UGT1A4: variants seen among roughly 807,000 people sequenced by gnomAD.
UGT1A4 encodes the protein UDP glucuronosyltransferase family 1 member A4.
A neutral mutation model predicts 41.1 loss-of-function variants in UGT1A4; 32 were observed. The observed-to-expected ratio is 0.78, with a 90% CI of 0.59 to 1.05. UGT1A4 has a LOEUF of 1.05. Among genes scored for constraint, UGT1A4 ranks in the 50% least tolerant of loss-of-function variants. The pLI is 0.00. For missense variants in UGT1A4, 748 were observed against 677.4 expected (o/e 1.10, Z -1.16); for synonymous variants, 283 against 265.1 (o/e 1.07, Z -0.66).
rs569949528 is a variant in UGT1A4, at chr2:233,742,141, C to T, written c.867+22454C>T. ...GGTCGTGGAGACCCTAACCCAGCAG[C>T]GCTAGACGAATTAAAGACACACACA... On this transcript the variant is annotated intron_variant, in intron 1 of 4. Transcript: ENST00000373409. 6.5e-4 allele frequency among the ~76,000 whole-genome samples: 99 copies of T among 151,946 alleles called. No homozygotes were observed. The South Asian group carries it at 0.02, about 31-fold the overall frequency.
At position 233,719,082 on chromosome 2, in the gene UGT1A4, G is replaced by C; in HGVS notation, c.262G>C (p.Glu88Gln). Reference sequence around the variant, plus strand: ...CTATGCTGTTCCATGGACCCAGAAGGAATTTGATCGCGTTACGCTGGGCTA... The same window carrying C: ...CTATGCTGTTCCATGGACCCAGAAGCAATTTGATCGCGTTACGCTGGGCTA... ...TAYAVPWTQK[E>Q]FDRVTLGYTQ... is the part of the protein sequence containing the mutation. Residue 88 changes from glutamate to glutamine, a missense_variant, in exon 1 of 5, where the codon GAA (glutamate) becomes CAA (glutamine). Coordinates refer to ENST00000373409, the MANE Select transcript of UGT1A4 (RefSeq NM_007120.3). 1 of 1,614,280 alleles carries C rather than the reference G, an allele frequency of 6.2e-7. No individual in the cohort carries two copies. Among genetic ancestry groups the C allele is most frequent in the Non-Finnish European group, 8.5e-7 (1 of 1,180,054 alleles).
intron 1 of UGT1A4, among the ~76,000 whole-genome samples, chr2:233,728,905 G>C (rs1331259486): frequency 6.6e-6 from 1 of 150,586 alleles, no homozygotes; most frequent in Admixed American, 6.6e-5. Flanking sequence ...AGGGTCAGAC[G>C]TGTTTTTCAA....
At chr2:233,732,882 T>A (rs2078332134) in intron 1 of UGT1A4, among the ~76,000 whole-genome samples, 1 of 152,004 alleles carries the variant, frequency 6.6e-6, no homozygotes, top group African/African-American at 2.4e-5. Context: ...TGGCATTGAA[T>A]CTATAAATTA....
At chr2:233,758,949 A>G (rs1697026086) in intron 1 of UGT1A4, among the ~76,000 whole-genome samples, 1 of 152,184 alleles carries the variant, frequency 6.6e-6, no homozygotes, top group Non-Finnish European at 1.5e-5. Flanking sequence ...AGTCATCAGA[A>G]TTTCCCCAAA....
intron 4 of UGT1A4, among the ~76,000 whole-genome samples, 167 bp from the exon 5 acceptor site, chr2:233,772,095 A>T (rs35172078): frequency 0.012 from 1,767 of 152,322 alleles, 16 homozygotes; most frequent in Middle Eastern, 0.031. Context: ...CCCGGGCAAC[A>T]GGGCAAGACT....
intron 1 of UGT1A4, chr2:233,740,623 G>C (rs1691436478): frequency 6.6e-6 from 1 of 151,816 alleles, no homozygotes; most frequent in Non-Finnish European, 1.5e-5. Context: ...GGGGCTCACA[G>C]GGTCATGCCT....
chr2:233,721,331 C>T (rs1281887450), intron 1 of UGT1A4, among the ~76,000 whole-genome samples: 1 of 152,014 alleles, frequency 6.6e-6, no homozygotes, highest in African/African-American at 2.4e-5. Flanking sequence ...TGTGGTTTTT[C>T]ACTATGAATA....
intron 1 of UGT1A4, chr2:233,760,840 C>T: frequency 6.2e-7 from 1 of 1,613,860 alleles, no homozygotes; most frequent in Non-Finnish European, 8.5e-7. Context: ...TGAGGCTACC[C>T]AGTGCCCCAA....
chr2:233,744,569 T>A (rs1692854365), intron 1 of UGT1A4, among the ~76,000 whole-genome samples: 2 of 151,878 alleles, frequency 1.3e-5, no homozygotes, highest in Non-Finnish European at 2.9e-5. Context: ...GTGAGAAGAG[T>A]GGCATCGTTT....
intron 1 of UGT1A4, among the ~76,000 whole-genome samples, chr2:233,736,536 T>C (rs1265861368): frequency 6.6e-6 from 1 of 152,240 alleles, no homozygotes; most frequent in African/African-American, 2.4e-5. Flanking sequence ...TCATTCTCTT[T>C]CCAGCTTTGC....
intron 1 of UGT1A4, among the ~76,000 whole-genome samples, chr2:233,725,500 A>C (rs2125714454): frequency 6.6e-6 from 1 of 152,210 alleles, no homozygotes; most frequent in East Asian, 1.9e-4. Flanking sequence ...GAAACCACTG[A>C]AATTAATTTT....
chr2:233,747,597 G>A (rs1160963474), intron 1 of UGT1A4: 51 of 1,576,164 alleles, frequency 3.2e-5, no homozygotes, highest in Non-Finnish European at 4.2e-5. Context: ...TAGGTCTTGT[G>A]TGGAGCTACT....
intron 1 of UGT1A4, among the ~76,000 whole-genome samples, chr2:233,725,940 AG>A (rs1419674144): frequency 2.0e-5 from 3 of 152,132 alleles, no homozygotes; most frequent in Non-Finnish European, 4.4e-5. Flanking sequence ...CTGATGCAGG[AG>A]GATTGTTTGA....
At position 233,763,257 on chromosome 2, in the gene UGT1A4, T is replaced by C. The variant is rs187516962; in HGVS notation, c.868-3777T>C. On this transcript the variant is annotated intron_variant, in intron 1 of 4. Transcript: ENST00000373409. ...AATTGTACCTTTTAGTAACCTGTTTTGTCTTGTTGCATGTTTTAATCTGAA... is the reference window on the plus strand; with the variant it reads ...AATTGTACCTTTTAGTAACCTGTTTCGTCTTGTTGCATGTTTTAATCTGAA... 1.1e-3 allele frequency among the ~76,000 whole-genome samples: 161 copies of C among 152,386 alleles called. 7 individuals carry two copies. The South Asian group carries it at 0.032, about 31-fold the overall frequency.
At chr2:233,747,366 C>A in intron 1 of UGT1A4, 1 of 1,604,318 alleles carries the variant, frequency 6.2e-7, no homozygotes, top group Non-Finnish European at 8.5e-7. Context: ...GCGGGAGCTC[C>A]ATGCCAGAGG....
chr2:233,757,582 G>C (rs1357461838), intron 1 of UGT1A4, among the ~76,000 whole-genome samples: 2 of 95,184 alleles, frequency 2.1e-5, no homozygotes, highest in Non-Finnish European at 4.3e-5. Context: ...TATAGCTATA[G>C]TCTAATAGCA....
intron 1 of UGT1A4, chr2:233,741,960 TTG>T: frequency 6.6e-6 from 1 of 151,970 alleles, no homozygotes; most frequent in East Asian, 1.9e-4. Context: ...TACTTTCTTG[TTG>T]TGTTTATGGT....
At position 233,768,342 on chromosome 2, in the gene UGT1A4, C is replaced by A. The variant is rs778766461; in HGVS notation, c.1210C>A (p.Arg404Ser). ...LFGDQMDNAK[R>S]METKGAGVTL... ...TGGTGATCAGATGGACAATGCAAAGCGCATGGAGACTAAGGGAGCTGGAGT... is the reference window on the plus strand; with the variant it reads ...TGGTGATCAGATGGACAATGCAAAGAGCATGGAGACTAAGGGAGCTGGAGT... The change falls in exon 4 of 5, where the codon CGC becomes AGC. Residue 404 changes from arginine (R) to serine (S), a missense_variant. By Grantham distance (110) the Arg-to-Ser change is moderately radical. Coordinates refer to ENST00000373409, the MANE Select transcript of UGT1A4 (RefSeq NM_007120.3). 6.2e-7 allele frequency: 1 copy of A among 1,613,974 alleles called. No individual in the cohort carries two copies. Among genetic ancestry groups the A allele is most frequent in the Non-Finnish European group, 8.5e-7 (1 of 1,180,048 alleles).
chr2:233,754,611 T>A (rs562553027), intron 1 of UGT1A4: 1 of 437,308 alleles, frequency 2.3e-6, no homozygotes, highest in East Asian at 7.0e-5. Flanking sequence ...CAACTCTCCA[T>A]CTTCCTCCAC....
Sources: allele counts gnomAD v4.1 joint callset (sites outside exome capture counted in the v4.1 genomes callset), GRCh38; gene constraint gnomAD v4.1.1; transcripts MANE v1.5; gene names NCBI Gene and HGNC (gene_info 2026-07-23, HGNC 2026-07-21).